Variants in TMPRSS3 observed in about 807,000 individuals in gnomAD.
TMPRSS3 encodes transmembrane serine protease 3.
TMPRSS3 carries 55 observed loss-of-function variants against 59.6 expected under a neutral mutation model. The ratio of observed to expected loss-of-function variants is 0.92; its 90% CI spans 0.74 to 1.16. The LOEUF is 1.16. TMPRSS3 is among the 50% of genes most tolerant of loss of function. TMPRSS3 has a pLI of 0.00. For synonymous variants in TMPRSS3, 257 were observed against 237.7 expected (o/e 1.08, Z -0.75); for missense variants, 596 against 579.4 (o/e 1.03, Z -0.29).
chr21:42,388,663 T>A lies in TMPRSS3; in HGVS notation c.323-137A>T. On this transcript the variant is annotated intron_variant, in intron 4 of 12. Transcript: ENST00000644384. The surrounding 1 kb of genome is among the most constrained non-coding windows in gnomAD (Gnocchi z 5.1). ...CTTCTTGTCCACGGCAGCCTCCCCA[T>A]CACAGAGCAGTGACTCTGGATCCCT... 1 of 1,263,720 alleles carries A rather than the reference T, an allele frequency of 7.9e-7. No individual in the cohort carries two copies. Among genetic ancestry groups the A allele is most frequent in the Admixed American group, 1.8e-5 (1 of 55,992 alleles). The allele number at this position is 1,263,720 out of a possible 1,614,324, so 78.3% of individuals were successfully genotyped here.
chr21:42,376,364 A>C (rs2052428109), intron 11 of TMPRSS3, among the ~76,000 whole-genome samples, 177 bp downstream of exon 11: 1 of 152,234 alleles, frequency 6.6e-6, no homozygotes, highest in Non-Finnish European at 1.5e-5. Flanking sequence ...ACGCAGAGCC[A>C]GATCACTGGG....
chr21:42,372,224 C>A lies in TMPRSS3; in HGVS notation c.*538G>T, dbSNP rs1343355862. Reference sequence around the variant, plus strand: ...CCAGATGGACCAGTGGGAAAGGCCGCCCTTGCAAGTTGCTGCTTCTTTTGT... The same window carrying A: ...CCAGATGGACCAGTGGGAAAGGCCGACCTTGCAAGTTGCTGCTTCTTTTGT... On this transcript the variant is annotated 3_prime_UTR_variant, in exon 13 of 13. Transcript: ENST00000644384. 1 of 443,522 alleles carries A rather than the reference C, an allele frequency of 2.3e-6. No homozygotes were observed. The highest frequency in any genetic ancestry group is 2.4e-5 in the Admixed American group (1 of 41,698). The allele number at this position is 443,522 out of a possible 1,614,324, so 27.5% of individuals were successfully genotyped here. A position where few individuals can be genotyped will look rare whatever the true frequency, so the allele number is the denominator to read the frequency against.
intron 12 of TMPRSS3, among the ~76,000 whole-genome samples, chr21:42,374,225 T>G (rs2052382535): frequency 6.6e-6 from 1 of 152,184 alleles, no homozygotes; most frequent in South Asian, 2.1e-4. Flanking sequence ...GTGCCTAGTA[T>G]GGGGCCAGGC....
intron 10 of TMPRSS3, among the ~76,000 whole-genome samples, chr21:42,379,466 T>C: frequency 6.6e-6 from 1 of 152,112 alleles, no homozygotes; most frequent in East Asian, 1.9e-4. Context: ...CCTGGCCAAT[T>C]TCCATCGTTT....
chr21:42,395,804 A>G (rs2052798890), intron 1 of TMPRSS3, 138 bp downstream of exon 1: 1 of 407,266 alleles, frequency 2.5e-6, no homozygotes, highest in South Asian at 1.9e-5. Context: ...CCATATTGCT[A>G]TTGTTCAGAA....
Position 42,375,894 on chromosome 21 carries a change from T to C in TMPRSS3, c.1192-26A>G, listed in dbSNP as rs750255634. 10 of 1,612,582 alleles carry C rather than the reference T, an allele frequency of 6.2e-6. No homozygotes were observed. The South Asian group carries it at 9.9e-5, about 16-fold the overall frequency. ...CTGGGTGACAGGAAAGAAGCAAAGATTGGGGGACAGTCACCGCCATGCGAG... is the reference window on the plus strand; with the variant it reads ...CTGGGTGACAGGAAAGAAGCAAAGACTGGGGGACAGTCACCGCCATGCGAG... On this transcript the variant is annotated intron_variant, in intron 11 of 12. Transcript: ENST00000644384.
At chr21:42,384,064 A>T in intron 6 of TMPRSS3, 51 bp from the exon 7 acceptor site, 1 of 1,581,414 alleles carries the variant, frequency 6.3e-7, no homozygotes, top group African/African-American at 1.3e-5. Context: ...GATCTGTGAA[A>T]GGAACACTCT....
Position 42,383,115 on chromosome 21 carries a change from G to C in TMPRSS3, c.700C>G (p.Leu234Val). 6.2e-7 allele frequency: 1 copy of C among 1,614,198 alleles called. No individual in the cohort carries two copies. The highest frequency in any genetic ancestry group is 2.2e-5 in the East Asian group (1 of 44,886). ...CACAGGTGGTAGCCCTGGAACTGAAGGCTGGCCTGCCAGGGCCACTGCGAG... is the reference window on the plus strand; with the variant it reads ...CACAGGTGGTAGCCCTGGAACTGAACGCTGGCCTGCCAGGGCCACTGCGAG... ...LLSQWPWQASLQFQGYHLCGG... is the reference protein window; with the variant it reads ...LLSQWPWQASVQFQGYHLCGG... The change falls in exon 8 of 13, where the codon CTT becomes GTT. Residue 234 changes from leucine to valine, a missense_variant. Coordinates refer to ENST00000644384, the MANE Select transcript of TMPRSS3 (RefSeq NM_001256317.3).
At chr21:42,381,639 C>G (rs2052530857) in intron 9 of TMPRSS3, among the ~76,000 whole-genome samples, 3 of 152,174 alleles carry the variant, frequency 2.0e-5, no homozygotes. Context: ...GTGGCACCAA[C>G]AGGGAGAAGG....
chr21:42,392,630 A>G (rs975265412), intron 2 of TMPRSS3, among the ~76,000 whole-genome samples: 4 of 152,236 alleles, frequency 2.6e-5, no homozygotes, highest in African/African-American at 9.6e-5. Context: ...CTTCCAGGAC[A>G]GCCCATCTGC....
At chr21:42,384,079 A>C in intron 6 of TMPRSS3, 66 bp from the exon 7 acceptor site, 2 of 1,507,374 alleles carry the variant, frequency 1.3e-6, no homozygotes, top group Admixed American at 3.4e-5. Context: ...CACTCTTAAA[A>C]ACTCAATCTT....
rs530293907 is a variant in TMPRSS3, at chr21:42,380,427, G to A, written c.953-215C>T. Among the ~76,000 whole-genome samples, 58 of 152,206 alleles carry A rather than the reference G, an allele frequency of 3.8e-4. No individual in the cohort carries two copies. In the South Asian group the frequency reaches 0.01, roughly 27 times the overall value. ...TAAAACTGTAAAAGAGCCCTCCACC[G>A]TCGCAGCGTGAGGGAACCTAGACCA... is the stretch of plus-strand genomic sequence containing the variant. On this transcript the variant is annotated intron_variant, in intron 9 of 12. Transcript: ENST00000644384.
intron 2 of TMPRSS3, among the ~76,000 whole-genome samples, chr21:42,391,779 C>T (rs1470125128): frequency 6.6e-6 from 1 of 152,184 alleles, no homozygotes; most frequent in Non-Finnish European, 1.5e-5. Context: ...CCAAAGCACC[C>T]ATGAAACTGT....
intron 10 of TMPRSS3, among the ~76,000 whole-genome samples, chr21:42,377,908 G>A (rs186242735): frequency 4.7e-4 from 72 of 152,380 alleles, no homozygotes; most frequent in Middle Eastern, 3.4e-3. Flanking sequence ...GATTGACAGC[G>A]AGAAGAAAAT....
Position 42,382,078 on chromosome 21 carries a change from T to A in TMPRSS3, c.939A>T (p.Pro313=), listed in dbSNP as rs757228573. Residue 313 remains proline (P), a synonymous_variant, in exon 9 of 13, where the codon CCA becomes CCT. Transcript: ENST00000644384. Reference sequence around the variant, plus strand: ...ACCCAGATGTACCATTGAACGTGAGTGGCCCGGCCAGCTTCATAAGGGCGA... The same window carrying A: ...ACCCAGATGTACCATTGAACGTGAGAGGCCCGGCCAGCTTCATAAGGGCGA... ...NDIALMKLAG[P]LTFNEMIQPV... 1.2e-6 allele frequency: 2 copies of A among 1,614,132 alleles called. No individual in the cohort carries two copies. The highest frequency in any genetic ancestry group is 2.2e-5 in the South Asian group (2 of 91,082).
chr21:42,373,343 C>T (rs568294032), intron 12 of TMPRSS3, among the ~76,000 whole-genome samples: 4 of 152,322 alleles, frequency 2.6e-5, no homozygotes, highest in Admixed American at 6.5e-5. Context: ...TCTGAGGCTG[C>T]GCATCTCTCG....
Position 42,388,679 on chromosome 21 carries a change from CTG to C in TMPRSS3, c.323-155_323-154del, listed in dbSNP as rs560233498. 6.6e-6 allele frequency among the ~76,000 whole-genome samples: 1 copy of C among 152,176 alleles called. No homozygotes were observed. The highest frequency in any genetic ancestry group is 2.1e-4 in the South Asian group (1 of 4,820). ...GCCTCCCCATCACAGAGCAGTGACT[CTG>C]GATCCCTGAGACTTCTCGCTGGTCT... On this transcript the variant is annotated intron_variant, in intron 4 of 12. Coordinates refer to ENST00000644384, the MANE Select transcript of TMPRSS3 (RefSeq NM_001256317.3). The surrounding 1 kb of genome is among the most constrained non-coding windows in gnomAD (Gnocchi z 5.1).
chr21:42,389,230 C>T, intron 3 of TMPRSS3, 185 bp from the exon 4 acceptor site: 1 of 1,233,490 alleles, frequency 8.1e-7, no homozygotes, highest in Non-Finnish European at 1.1e-6. Context: ...AGGGGTGGGG[C>T]TGCTGTGCCC....
intron 12 of TMPRSS3, among the ~76,000 whole-genome samples, chr21:42,373,210 G>A (rs951334350): frequency 3.3e-5 from 5 of 152,236 alleles, no homozygotes; most frequent in African/African-American, 7.2e-5. Context: ...AGGCCCTCAC[G>A]TTGACTTTCC....
Sources: gnomAD v4.1 joint callset for allele counts (sites outside exome capture counted in the v4.1 genomes callset) on GRCh38, gnomAD v4.1.1 for gene constraint, Gnocchi (gnomAD v3.1) non-coding constraint, MANE v1.5 for transcripts, NCBI Gene and HGNC (gene_info 2026-07-23, HGNC 2026-07-21) for gene names.